Variants in AFF3 observed in about 807,000 individuals in gnomAD.
AFF3 encodes the protein ALF transcription elongation factor 3, also known as AF4/FMR2 family member 3.
A neutral mutation model predicts 129.7 loss-of-function variants in AFF3; 32 were observed. The ratio of observed to expected loss-of-function variants is 0.25; its 90% CI spans 0.19 to 0.33. The LOEUF (loss-of-function observed/expected upper bound fraction) is 0.33, where lower values mean the gene tolerates loss of function less well. AFF3 is among the 10% of genes least tolerant of loss of function. The pLI is 1.00. For missense variants in AFF3, 1,373 were observed against 1,592.0 expected (o/e 0.86, Z 2.34); for synonymous variants, 644 against 635.4 (o/e 1.01, Z -0.20).
intron 11 of AFF3, among the ~76,000 whole-genome samples, chr2:99,696,347 T>C (rs1009035174): frequency 6.6e-6 from 1 of 152,202 alleles, no homozygotes; most frequent in African/African-American, 2.4e-5. Flanking sequence ...GCAGAAATCA[T>C]TGCATCTCAG....
At chr2:99,703,403 G>A (rs1339596656) in intron 11 of AFF3, among the ~76,000 whole-genome samples, 4 of 152,148 alleles carry the variant, frequency 2.6e-5, no homozygotes, top group Non-Finnish European at 5.9e-5. Context: ...CTAGAAGTTC[G>A]AATGCATTTT....
chr2:99,646,253 T>A (rs1285165373), intron 13 of AFF3, among the ~76,000 whole-genome samples: 2 of 152,178 alleles, frequency 1.3e-5, no homozygotes, highest in East Asian at 1.9e-4. Flanking sequence ...AATGAGCCCA[T>A]GGATGAGCAA....
At chr2:99,600,638 C>T (rs942370387) in intron 14 of AFF3, among the ~76,000 whole-genome samples, 6 of 152,122 alleles carry the variant, frequency 3.9e-5, no homozygotes, top group African/African-American at 7.2e-5. Context: ...CAAATGTTTA[C>T]GCACTCAAGA....
chr2:99,789,163 G>A (rs945897929), intron 8 of AFF3, among the ~76,000 whole-genome samples: 2 of 152,166 alleles, frequency 1.3e-5, no homozygotes, highest in Non-Finnish European at 1.5e-5. Context: ...TTGGCCAGGT[G>A]CGGTGCCATG....
At chr2:100,031,867 A>G (rs1684520542) in intron 4 of AFF3, among the ~76,000 whole-genome samples, 1 of 152,272 alleles carries the variant, frequency 6.6e-6, no homozygotes, top group South Asian at 2.1e-4. Context: ...AATTCCAAAT[A>G]ATTTATGTAG....
rs139653294 is a variant in AFF3, at chr2:99,913,836, G to A, written c.874-76312C>T. On this transcript the variant is annotated intron_variant, in intron 7 of 24. Transcript: ENST00000672756. Reference sequence around the variant, plus strand: ...CAGATAATTTGACAAAAAAAAATGTGAATAATCAATCATAACCTACTGAAT... The same window carrying A: ...CAGATAATTTGACAAAAAAAAATGTAAATAATCAATCATAACCTACTGAAT... 1.2e-4 allele frequency among the ~76,000 whole-genome samples: 18 copies of A among 152,158 alleles called. No homozygotes were observed. In the East Asian group the frequency reaches 3.5e-3, roughly 29 times the overall value.
intron 7 of AFF3, among the ~76,000 whole-genome samples, chr2:99,977,990 CTG>C (rs1345028024): frequency 2.6e-5 from 4 of 152,198 alleles, no homozygotes; most frequent in African/African-American, 9.6e-5. Flanking sequence ...CAGCTGAAAC[CTG>C]CCTCTTCCTC....
intron 7 of AFF3, among the ~76,000 whole-genome samples, chr2:99,846,068 G>C (rs902662855): frequency 6.6e-6 from 1 of 151,506 alleles, no homozygotes; most frequent in Non-Finnish European, 1.5e-5. Context: ...TCCTGACCTC[G>C]TGATCCACCT....
chr2:99,694,588 T>C (rs1189122018), intron 11 of AFF3, among the ~76,000 whole-genome samples: 3 of 151,948 alleles, frequency 2.0e-5, no homozygotes, highest in Non-Finnish European at 2.9e-5. Flanking sequence ...CGCTGAATCA[T>C]TCTCTAGAAC....
Position 99,778,911 on chromosome 2 carries a change from T to C in AFF3, c.922-26610A>G, listed in dbSNP as rs927867499. 4.5e-3 allele frequency among the ~76,000 whole-genome samples: 679 copies of C among 151,224 alleles called. 4 individuals carry two copies. The highest frequency in any genetic ancestry group is 0.016 in the African/African-American group (641 of 41,098). On this transcript the variant is annotated intron_variant, in intron 8 of 24. Coordinates refer to ENST00000672756, the MANE Select transcript of AFF3 (RefSeq NM_001386135.1). ...GTGTGTGTGCGCGTGTGTGTGTGTG[T>C]GTGTGTGTGTGTGTGTGTGTGGCGG...
At chr2:100,047,175 T>A (rs1372540875) in intron 4 of AFF3, among the ~76,000 whole-genome samples, 2 of 152,240 alleles carry the variant, frequency 1.3e-5, no homozygotes, top group Non-Finnish European at 2.9e-5. Context: ...CTAGGGCCTC[T>A]CCACCGTCGC....
rs550719325 is a variant in AFF3 at position 99,604,469 on chromosome 2, T to C, written c.1185-2848A>G. ...AGGGAACCACACACACTGGGGCCTATTGGAGGGTGGAGGATGGGAGGAGGC... is the reference window on the plus strand; with the variant it reads ...AGGGAACCACACACACTGGGGCCTACTGGAGGGTGGAGGATGGGAGGAGGC... On this transcript the variant is annotated intron_variant, in intron 13 of 24. Transcript: ENST00000672756. Among the ~76,000 whole-genome samples the C allele has an allele frequency of 4.6e-5, 7 of 152,102 alleles. 1 individual carries two copies. The South Asian group carries it at 6.3e-4, about 14-fold the overall frequency.
intron 7 of AFF3, among the ~76,000 whole-genome samples, chr2:99,984,546 A>G (rs965398335): frequency 2.6e-5 from 4 of 152,236 alleles, no homozygotes; most frequent in African/African-American, 9.6e-5. Flanking sequence ...CTATAGGATC[A>G]AAAACATGCT....
intron 13 of AFF3, among the ~76,000 whole-genome samples, chr2:99,646,430 C>T (rs1684698012): frequency 1.3e-5 from 2 of 152,184 alleles, no homozygotes; most frequent in South Asian, 4.1e-4. Flanking sequence ...AAAAGTGCTT[C>T]TCCCCCAAGA....
At chr2:99,824,068 G>A (rs7574181) in intron 8 of AFF3, among the ~76,000 whole-genome samples, 92,676 of 151,810 alleles carry the variant, frequency 0.61, 29,888 homozygotes, top group South Asian at 0.79. Context: ...AACATGCCAT[G>A]TACCCCCCAA....
intron 7 of AFF3, among the ~76,000 whole-genome samples, chr2:99,853,027 G>T (rs1460630509): frequency 6.6e-6 from 1 of 152,120 alleles, no homozygotes; most frequent in East Asian, 1.9e-4. Flanking sequence ...AAGAAATTTT[G>T]CAAATAACAT....
intron 1 of AFF3, among the ~76,000 whole-genome samples, chr2:100,142,038 G>A (rs1692906548): frequency 1.3e-5 from 2 of 152,230 alleles, no homozygotes; most frequent in South Asian, 2.1e-4. Flanking sequence ...ACTCACTGGG[G>A]CCATTGACTG....
chr2:100,007,576 T>A, intron 5 of AFF3, 116 bp from the exon 6 acceptor site: 1 of 951,218 alleles, frequency 1.1e-6, no homozygotes, highest in Non-Finnish European at 1.6e-6. Flanking sequence ...GAATGAGAGC[T>A]GAGAGATGAA....
At chr2:99,909,683 A>G (rs536088651) in intron 7 of AFF3, among the ~76,000 whole-genome samples, 1 of 152,238 alleles carries the variant, frequency 6.6e-6, no homozygotes, top group Admixed American at 6.5e-5. Flanking sequence ...GTCTCGGTAT[A>G]GGCCATGTCA....
Sources: gnomAD v4.1 joint callset for allele counts (sites outside exome capture counted in the v4.1 genomes callset) on GRCh38, gnomAD v4.1.1 for gene constraint, MANE v1.5 for transcripts, NCBI Gene and HGNC (gene_info 2026-07-23, HGNC 2026-07-21) for gene names.